PDE4B: variants seen among roughly 807,000 people sequenced by gnomAD.
PDE4B encodes phosphodiesterase 4B.
PDE4B carries 20 observed loss-of-function variants against 82.2 expected under a neutral mutation model. That is an observed-to-expected ratio of 0.24 (90% CI 0.17 to 0.35). PDE4B has a LOEUF of 0.35. PDE4B is among the 10% of genes least tolerant of loss of function. The pLI, the probability that PDE4B is intolerant of heterozygous loss-of-function variation, is 1.00. For missense variants in PDE4B, 655 were observed against 907.2 expected (o/e 0.72, Z 3.57); for synonymous variants, 320 against 318.9 (o/e 1.00, Z -0.04).
chr1:66,007,434 A>T (rs1031410232), intron 3 of PDE4B, among the ~76,000 whole-genome samples: 1 of 152,090 alleles, frequency 6.6e-6, no homozygotes, highest in Admixed American at 6.6e-5. Flanking sequence ...ACAGAACAAG[A>T]AAAACGAACA....
At chr1:66,320,555 A>G (rs1659328080) in intron 7 of PDE4B, among the ~76,000 whole-genome samples, 1 of 152,216 alleles carries the variant, frequency 6.6e-6, no homozygotes, top group Admixed American at 6.5e-5. Context: ...TGTGTCTTTG[A>G]TACTGTTCAG....
At chr1:65,950,909 T>G (rs1045976794) in intron 3 of PDE4B, among the ~76,000 whole-genome samples, 7 of 152,026 alleles carry the variant, frequency 4.6e-5, no homozygotes, top group African/African-American at 1.7e-4. Flanking sequence ...CAGCATGAAG[T>G]TTTTCTGTGT....
At chr1:66,142,760 T>C (rs1215435002) in intron 3 of PDE4B, among the ~76,000 whole-genome samples, 1 of 152,220 alleles carries the variant, frequency 6.6e-6, no homozygotes, top group Non-Finnish European at 1.5e-5. Context: ...TATTGTAATG[T>C]CGGTGCTTTG....
intron 3 of PDE4B, among the ~76,000 whole-genome samples, chr1:65,978,404 A>G (rs1213600287): frequency 2.7e-5 from 4 of 148,472 alleles, no homozygotes; most frequent in African/African-American, 7.3e-5. Flanking sequence ...CCGAACATTT[A>G]CATCTATGGA....
At position 65,965,996 on chromosome 1, in the gene PDE4B, G is replaced by A. The variant is rs1377745379; in HGVS notation, c.281+47161G>A. On this transcript the variant is annotated intron_variant, in intron 3 of 16. Coordinates refer to ENST00000341517, the MANE Select transcript of PDE4B (RefSeq NM_002600.4). ...CCTTTTAAAACTAGCACAAGGAAAG[G>A]ATGCCCTCTCTCACCACTCTTATTC... Among the ~76,000 whole-genome samples the A allele has an allele frequency of 2.0e-5, 3 of 152,094 alleles. No individual in the cohort carries two copies. The East Asian group carries it at 5.8e-4, about 29-fold the overall frequency.
intron 3 of PDE4B, among the ~76,000 whole-genome samples, chr1:66,156,004 T>C (rs1646495741): frequency 6.6e-6 from 1 of 152,124 alleles, no homozygotes; most frequent in Admixed American, 6.5e-5. Flanking sequence ...TCAGGAGAAG[T>C]AGAAAAGGGA....
chr1:66,125,938 C>A (rs2101093782), intron 3 of PDE4B, among the ~76,000 whole-genome samples: 1 of 152,326 alleles, frequency 6.6e-6, no homozygotes, highest in South Asian at 2.1e-4. Context: ...TCCTGAGTAG[C>A]TGAAATTACA....
At chr1:66,240,062 C>G (rs1652768559) in intron 3 of PDE4B, among the ~76,000 whole-genome samples, 1 of 152,242 alleles carries the variant, frequency 6.6e-6, no homozygotes, top group South Asian at 2.1e-4. Context: ...CATTCTAGCC[C>G]CTCCCTGCAG....
intron 3 of PDE4B, among the ~76,000 whole-genome samples, chr1:66,148,365 G>A (rs910805096): frequency 2.6e-5 from 4 of 151,978 alleles, no homozygotes; most frequent in Non-Finnish European, 4.4e-5. Context: ...TCTATGATCT[G>A]CTCACTTGTT....
intron 3 of PDE4B, among the ~76,000 whole-genome samples, chr1:65,980,529 G>C (rs986517268): frequency 6.6e-6 from 1 of 152,132 alleles, no homozygotes; most frequent in Non-Finnish European, 1.5e-5. Context: ...TTATAAAAGG[G>C]GGGTGTTGGT....
At chr1:65,835,784 C>T (rs1431211535) in intron 1 of PDE4B, among the ~76,000 whole-genome samples, 2 of 152,016 alleles carry the variant, frequency 1.3e-5, no homozygotes, top group Non-Finnish European at 2.9e-5. Context: ...AATTAATGTC[C>T]AGAAATTAAA....
At chr1:65,981,840 T>G (rs2503196) in intron 3 of PDE4B, among the ~76,000 whole-genome samples, 96,183 of 151,840 alleles carry the variant, frequency 0.63, 30,558 homozygotes, top group African/African-American at 0.65. Context: ...TCTTTCTGCC[T>G]TCCCCCCAAG....
chr1:65,805,157 G>T (rs910642155), intron 1 of PDE4B, among the ~76,000 whole-genome samples: 3 of 152,034 alleles, frequency 2.0e-5, no homozygotes, highest in African/African-American at 7.2e-5. Context: ...TAGAAATGGG[G>T]TTTTGCCATG....
intron 3 of PDE4B, among the ~76,000 whole-genome samples, chr1:66,137,622 G>A (rs895853196): frequency 6.6e-6 from 1 of 152,170 alleles, no homozygotes; most frequent in Admixed American, 6.5e-5. Context: ...TACCCTAGTG[G>A]CTAATGTTAG....
intron 1 of PDE4B, among the ~76,000 whole-genome samples, chr1:65,912,705 G>GA (rs943974717): frequency 1.3e-5 from 2 of 151,832 alleles, no homozygotes; most frequent in African/African-American, 4.8e-5. Context: ...TAAGATTAAG[G>GA]TTTTTTTCTT....
In PDE4B at chr1:66,320,496, A is replaced by T. The variant is rs556748555; in HGVS notation, c.635-12012A>T. 2.0e-5 allele frequency among the ~76,000 whole-genome samples: 3 copies of T among 152,272 alleles called. No homozygotes were observed. The East Asian group carries it at 5.8e-4, about 29-fold the overall frequency. On this transcript the variant is annotated intron_variant, in intron 7 of 16. Coordinates refer to ENST00000341517, the MANE Select transcript of PDE4B (RefSeq NM_002600.4). Reference sequence around the variant, plus strand: ...TGAATAAATCAGTAAAAAGAAGGTGATTTGTTTGGAGACTAGCAAAAAAAG... The same window carrying T: ...TGAATAAATCAGTAAAAAGAAGGTGTTTTGTTTGGAGACTAGCAAAAAAAG...
At chr1:65,872,182 T>C (rs1646580789) in intron 1 of PDE4B, among the ~76,000 whole-genome samples, 1 of 152,208 alleles carries the variant, frequency 6.6e-6, no homozygotes, top group Admixed American at 6.5e-5. Flanking sequence ...TCAGGAAATG[T>C]GAAGTTTTAA....
chr1:66,034,208 A>G (rs1653948709), intron 3 of PDE4B, among the ~76,000 whole-genome samples: 1 of 152,032 alleles, frequency 6.6e-6, no homozygotes, highest in Non-Finnish European at 1.5e-5. Flanking sequence ...TTATCTGTAC[A>G]AGCCATGGAT....
chr1:66,303,425 A>G (rs957280069), intron 7 of PDE4B, among the ~76,000 whole-genome samples: 1 of 151,940 alleles, frequency 6.6e-6, no homozygotes, highest in African/African-American at 2.4e-5. Flanking sequence ...CTGTCACCTC[A>G]TAGACTTTTT....
Sources: allele counts gnomAD v4.1 joint callset (sites outside exome capture counted in the v4.1 genomes callset), GRCh38; gene constraint gnomAD v4.1.1; transcripts MANE v1.5; gene names NCBI Gene and HGNC (gene_info 2026-07-23, HGNC 2026-07-21).